The following MAPK6 variants were observed in gnomAD, a reference collection of about 807,000 sequenced individuals.
MAPK6 encodes ERK-3.
MAPK6 carries 19 observed loss-of-function variants against 59.3 expected under a neutral mutation model. That is an observed-to-expected ratio of 0.32 (90% CI 0.22 to 0.47). MAPK6 has a LOEUF of 0.47. MAPK6 is among the 20% of genes least tolerant of loss of function. The pLI is 1.00. For synonymous variants in MAPK6, 316 were observed against 290.3 expected (o/e 1.09, Z -0.90); for missense variants, 724 against 847.9 (o/e 0.85, Z 1.81).
At chr15:51,971,838 T>C in exon 1 of MAPK6, 3 of 1,362,828 alleles carry the variant, frequency 2.2e-6, no homozygotes, top group African/African-American at 2.8e-5. Context: ...GTCGCAAAGA[T>C]TCGCCGAAGA....
intron 2 of MAPK6, among the ~76,000 whole-genome samples, chr15:51,992,306 T>TA (rs369567502): frequency 0.19 from 3,204 of 17,018 alleles, 44 homozygotes; most frequent in Middle Eastern, 0.47. Context: ...TATATATATA[T>TA]TTTTTTTTTT....
intron 1 of MAPK6, among the ~76,000 whole-genome samples, chr15:52,019,648 C>A (rs1478739107): frequency 6.8e-6 from 1 of 146,536 alleles, no homozygotes; most frequent in Non-Finnish European, 1.5e-5. Context: ...CGCGTGGGGC[C>A]GGCCAGGCGG....
At position 52,005,836 on chromosome 15, in the gene MAPK6, G is replaced by C. The variant is rs374705628; in HGVS notation, c.-632+1434G>C. ...CTACCGTTGGTGCCAAGACATCAGAGAGATTCTTCTGGTTTCACAGTGGAG... is the reference window on the plus strand; with the variant it reads ...CTACCGTTGGTGCCAAGACATCAGACAGATTCTTCTGGTTTCACAGTGGAG... On this transcript the variant is annotated intron_variant, in intron 3 of 7. Coordinates refer to the MAPK6 transcript ENST00000691380. Among the ~76,000 whole-genome samples the C allele has an allele frequency of 6.6e-5, 10 of 152,282 alleles. No individual in the cohort carries two copies. In the East Asian group the frequency reaches 1.5e-3, roughly 24 times the overall value.
intron 1 of MAPK6, among the ~76,000 whole-genome samples, chr15:51,974,491 A>G (rs553271994): frequency 6.7e-6 from 1 of 150,262 alleles, no homozygotes; most frequent in South Asian, 2.1e-4. Flanking sequence ...CGTCTCTACT[A>G]AAAATATTTA....
At chr15:52,003,748 A>T (rs2057249635) in intron 2 of MAPK6, among the ~76,000 whole-genome samples, 1 of 152,384 alleles carries the variant, frequency 6.6e-6, no homozygotes, top group African/African-American at 2.4e-5. Flanking sequence ...AAAAAATGTC[A>T]AGAGCCTCCT....
intron 1 of MAPK6, among the ~76,000 whole-genome samples, chr15:52,031,674 A>C (rs577888821): frequency 6.6e-6 from 1 of 152,252 alleles, no homozygotes; most frequent in East Asian, 1.9e-4. Context: ...CTACCAAGAT[A>C]ATAAAAAATT....
intron 1 of MAPK6, among the ~76,000 whole-genome samples, chr15:52,026,068 A>C (rs10518675): frequency 0.095 from 14,529 of 152,222 alleles, 1,679 homozygotes; most frequent in African/African-American, 0.27. Flanking sequence ...TAAGCAAGTC[A>C]GTTTCTTTCC....
At chr15:52,038,213 A>T (rs1197699365) in intron 1 of MAPK6, among the ~76,000 whole-genome samples, 2 of 151,966 alleles carry the variant, frequency 1.3e-5, no homozygotes, top group African/African-American at 4.8e-5. Flanking sequence ...AATGCCTGGC[A>T]CATGGTAAGC....
chr15:52,061,765 T>A (rs1022728262), intron 5 of MAPK6, among the ~76,000 whole-genome samples: 1 of 152,136 alleles, frequency 6.6e-6, no homozygotes, highest in African/African-American at 2.4e-5. Context: ...AGAGCAAGAC[T>A]CCATCTCAAA....
chr15:52,025,659 G>C (rs556263020), intron 1 of MAPK6, among the ~76,000 whole-genome samples: 1 of 151,974 alleles, frequency 6.6e-6, no homozygotes, highest in Admixed American at 6.6e-5. Context: ...AAAATTAGCC[G>C]GGTGGCGGGC....
At chr15:52,045,012 T>C (rs1302095783) in intron 1 of MAPK6, among the ~76,000 whole-genome samples, 1 of 151,380 alleles carries the variant, frequency 6.6e-6, no homozygotes, top group Non-Finnish European at 1.5e-5. Context: ...TTATCTGTTC[T>C]CCTATTTTAT....
intron 2 of MAPK6, among the ~76,000 whole-genome samples, chr15:52,001,577 C>G (rs368645093): frequency 1.4e-5 from 2 of 144,934 alleles, no homozygotes; most frequent in African/African-American, 5.1e-5. Flanking sequence ...GGTACAATCT[C>G]GGCTCACTGC....
chr15:52,033,186 G>A (rs1376421241), intron 1 of MAPK6, among the ~76,000 whole-genome samples: 1 of 152,190 alleles, frequency 6.6e-6, no homozygotes, highest in African/African-American at 2.4e-5. Context: ...TGGTGTGATG[G>A]TTAGTATTAA....
intron 5 of MAPK6, among the ~76,000 whole-genome samples, chr15:52,063,445 C>T (rs960700782): frequency 1.3e-5 from 2 of 152,188 alleles, no homozygotes; most frequent in South Asian, 2.1e-4. Context: ...AATAGGATAG[C>T]GCATTCAGCA....
intron 1 of MAPK6, among the ~76,000 whole-genome samples, chr15:52,036,102 G>A (rs2031232473): frequency 6.6e-6 from 1 of 152,124 alleles, no homozygotes; most frequent in Admixed American, 6.6e-5. Flanking sequence ...AGGTGGGGTG[G>A]TGTGCGCCTG....
rs1232691220 is a variant in MAPK6 at position 52,059,612 on chromosome 15, A to C, written c.865+815A>C. 3.3e-5 allele frequency among the ~76,000 whole-genome samples: 5 copies of C among 152,346 alleles called. No homozygotes were observed. The East Asian group carries it at 9.6e-4, about 29-fold the overall frequency. On this transcript the variant is annotated intron_variant, in intron 4 of 5. Coordinates refer to ENST00000261845, the MANE Select transcript of MAPK6 (RefSeq NM_002748.4). The stretch of plus-strand genomic sequence containing the variant: ...ACTAATCAAGAGGACGGTGCTGTTG[A>C]AGCATTTGTAACCTTGCTGTATAAT...
chr15:52,047,114 A>G (rs1368739785), intron 2 of MAPK6, 99 bp downstream of exon 2: 1 of 883,296 alleles, frequency 1.1e-6, no homozygotes, highest in South Asian at 3.2e-5. Context: ...AGAATTTTTA[A>G]TCTTATTAAA....
In MAPK6 at chr15:52,064,861, C is replaced by G; in HGVS notation, c.2027C>G (p.Ser676Cys). Reference protein sequence around the residue: ...GEFLFNKQLESIGIPQFHSPV... With the variant: ...GEFLFNKQLECIGIPQFHSPV... ...TTCCTCTTTAACAAGCAGCTCGAGT[C>G]CATAGGCATCCCACAGTTTCACAGT... The change falls in exon 6 of 6, where the codon TCC becomes TGC. Residue 676 changes from serine (S) to cysteine (C), a missense_variant. By Grantham distance (112) the Ser-to-Cys change is moderately radical. Transcript: ENST00000261845. The G allele has an allele frequency of 2.5e-6, 4 of 1,611,952 alleles. No individual in the cohort carries two copies. The highest frequency in any genetic ancestry group is 1.7e-5 in the Admixed American group (1 of 59,996).
chr15:51,991,014 G>C (rs2057206447), intron 2 of MAPK6, among the ~76,000 whole-genome samples: 1 of 152,034 alleles, frequency 6.6e-6, no homozygotes, highest in Admixed American at 6.6e-5. Context: ...TGTAATCCTA[G>C]CTACTCAGGA....
Sources: gnomAD v4.1 joint callset for allele counts (sites outside exome capture counted in the v4.1 genomes callset) on GRCh38, gnomAD v4.1.1 for gene constraint, MANE v1.5 for transcripts, NCBI Gene and HGNC (gene_info 2026-07-23, HGNC 2026-07-21) for gene names.